The following MYO9B variants were observed in gnomAD, a reference collection of about 807,000 sequenced individuals.
MYO9B encodes myosin IXB, also known as unconventional myosin-IXb.
MYO9B carries 71 observed loss-of-function variants against 229.5 expected under a neutral mutation model. The observed-to-expected ratio is 0.31, with a 90% CI of 0.26 to 0.38. The LOEUF (loss-of-function observed/expected upper bound fraction) is 0.38, where lower values mean the gene tolerates loss of function less well. MYO9B is among the 10% of genes least tolerant of loss of function. The pLI is 1.00. For synonymous variants in MYO9B, 1,185 were observed against 1,235.8 expected, an observed-to-expected ratio of 0.96 and a Z score of 0.86; for missense variants, 2,255 against 2,920.5, an observed-to-expected ratio of 0.77 and a Z score of 5.25.
At chr19:17,157,111 A>G (rs996953573) in intron 7 of MYO9B, 73 bp downstream of exon 7, 2 of 1,533,098 alleles carry the variant, frequency 1.3e-6, no homozygotes, top group African/African-American at 2.8e-5. Flanking sequence ...ACGAGGGACC[A>G]TACCCAGAAC....
In MYO9B at chr19:17,181,013, G is replaced by A. The variant is rs370438373; in HGVS notation, c.2306G>A (p.Arg769Gln). 2.2e-5 allele frequency: 36 copies of A among 1,610,458 alleles called. No homozygotes were observed. Among genetic ancestry groups the A allele is most frequent in the Admixed American group, 5.1e-5 (3 of 59,378 alleles). Residue 769 changes from arginine (R) to glutamine (Q), a missense_variant, in exon 15 of 40, where the codon CGG becomes CAG. Arg to Gln is a conservative substitution (Grantham distance 43). Transcript: ENST00000682292. ...CGTAGCCTTCTCCAGTCCCTCAGTC[G>A]GCTCCAGAAACCCCGCGCCTTCATC... is the stretch of plus-strand genomic sequence containing the variant. ...DPRSLLQSLSRLQKPRAFILK... is the reference protein window; with the variant it reads ...DPRSLLQSLSQLQKPRAFILK...
chr19:17,095,050 C>A (rs1040295851), intron 1 of MYO9B, among the ~76,000 whole-genome samples: 1 of 152,120 alleles, frequency 6.6e-6, no homozygotes, highest in African/African-American at 2.4e-5. Context: ...ACCAGCCTGG[C>A]CAACATGGCG....
chr19:17,189,229 G>A (rs1430966859), intron 19 of MYO9B, among the ~76,000 whole-genome samples: 1 of 152,034 alleles, frequency 6.6e-6, no homozygotes, highest in Non-Finnish European at 1.5e-5. Flanking sequence ...AGGAGGCTGA[G>A]GTGAGAAGAT....
chr19:17,179,023 T>A (rs1599397224), intron 14 of MYO9B, among the ~76,000 whole-genome samples: 1 of 133,556 alleles, frequency 7.5e-6, no homozygotes. Flanking sequence ...AGAGCAAGAC[T>A]CTGTAAAAAA....
At chr19:17,211,523 C>CT in intron 38 of MYO9B, 124 bp from the exon 39 acceptor site, 1 of 907,256 alleles carries the variant, frequency 1.1e-6, no homozygotes, top group Non-Finnish European at 1.6e-6. Flanking sequence ...AATCCTCCTG[C>CT]TTGGGGTGGG....
rs55862521 is a variant in MYO9B at position 17,202,995 on chromosome 19, G to A, written c.4878+112G>A. 7.8e-3 allele frequency: 10,727 copies of A among 1,375,216 alleles called. 61 individuals carry two copies. The highest frequency in any genetic ancestry group is 9.7e-3 in the Non-Finnish European group (9,579 of 992,300). The allele number at this position is 1,375,216 out of a possible 1,614,324, so 85.2% of individuals were successfully genotyped here. A position where few individuals can be genotyped will look rare whatever the true frequency, so the allele number is the denominator to read the frequency against. The stretch of plus-strand genomic sequence containing the variant: ...GGCCCGTCTGCACGCGTATGTGTGC[G>A]TGGACACGTGTGAGTGTGTTTTTCC... On this transcript the variant is annotated intron_variant, in intron 29 of 39. Transcript: ENST00000682292.
intron 26 of MYO9B, 92 bp from the exon 27 acceptor site, chr19:17,201,834 A>T: frequency 1.1e-6 from 1 of 879,830 alleles, no homozygotes; most frequent in Non-Finnish European, 1.8e-6. Flanking sequence ...GGGATGACTT[A>T]AGAGAGGATA....
intron 13 of MYO9B, among the ~76,000 whole-genome samples, chr19:17,173,837 G>T (rs896590171): frequency 6.6e-6 from 1 of 152,018 alleles, no homozygotes; most frequent in Non-Finnish European, 1.5e-5. Context: ...AGGTCTAAGG[G>T]CTCCAACCTT....
chr19:17,086,367 A>C (rs1218692125), intron 1 of MYO9B, among the ~76,000 whole-genome samples: 2 of 152,174 alleles, frequency 1.3e-5, no homozygotes, highest in African/African-American at 4.8e-5. Flanking sequence ...AGCTCTGGGC[A>C]CGTCCAGCTC....
chr19:17,083,002 G>T (rs1329178275), intron 1 of MYO9B, among the ~76,000 whole-genome samples: 2 of 151,044 alleles, frequency 1.3e-5, no homozygotes, highest in Non-Finnish European at 2.9e-5. Context: ...GGTCCTCGAG[G>T]AGGCTGAAAG....
chr19:17,131,372 G>A lies in MYO9B; in HGVS notation c.841-14025G>A, dbSNP rs1309367715. On this transcript the variant is annotated intron_variant, in intron 2 of 39. Transcript: ENST00000682292. ...CAACCGCTGCCTCCCGCATTCAAGC[G>A]ATTCTTCTGCCTCAGCTTCCCAAGT... Among the ~76,000 whole-genome samples the A allele has an allele frequency of 3.3e-5, 5 of 152,216 alleles. No homozygotes were observed. In the South Asian group the frequency reaches 1.0e-3, roughly 32 times the overall value.
chr19:17,130,628 A>T (rs2072183717), intron 2 of MYO9B, among the ~76,000 whole-genome samples: 1 of 151,688 alleles, frequency 6.6e-6, no homozygotes, highest in African/African-American at 2.4e-5. Context: ...TCAAAAAAAA[A>T]AAAAAATTAA....
At chr19:17,104,606 G>C (rs1390103616) in intron 2 of MYO9B, among the ~76,000 whole-genome samples, 2 of 151,810 alleles carry the variant, frequency 1.3e-5, no homozygotes, top group East Asian at 3.9e-4. Context: ...TTTATTTTTT[G>C]TAGAGATGGG....
At chr19:17,187,404 G>A (rs866901050) in intron 18 of MYO9B, among the ~76,000 whole-genome samples, 8 of 149,166 alleles carry the variant, frequency 5.4e-5, no homozygotes, top group Admixed American at 1.3e-4. Flanking sequence ...GAACAGGCCC[G>A]GAACACTGGG....
At chr19:17,137,398 T>C (rs2072284264) in intron 2 of MYO9B, among the ~76,000 whole-genome samples, 1 of 152,066 alleles carries the variant, frequency 6.6e-6, no homozygotes. Context: ...CCTGTCTCCC[T>C]GTCTCAAACA....
At chr19:17,144,815 A>G (rs2072386543) in intron 2 of MYO9B, among the ~76,000 whole-genome samples, 2 of 151,742 alleles carry the variant, frequency 1.3e-5, no homozygotes, top group African/African-American at 2.4e-5. Flanking sequence ...CTAAAAATAC[A>G]AAAAATTGGC....
At chr19:17,209,169 G>A (rs1052385711) in intron 35 of MYO9B, among the ~76,000 whole-genome samples, 2 of 152,184 alleles carry the variant, frequency 1.3e-5, no homozygotes, top group African/African-American at 2.4e-5. Context: ...TCCGAGCTGA[G>A]ACCCTCTGAT....
chr19:17,115,469 CTT>C (rs35124094), intron 2 of MYO9B, among the ~76,000 whole-genome samples: 1,637 of 132,430 alleles, frequency 0.012, 32 homozygotes, highest in African/African-American at 0.042. Context: ...TCACAGATGC[CTT>C]TTTTTTTTTT....
At chr19:17,153,839 C>T (rs1325843627) in intron 4 of MYO9B, 128 bp from the exon 5 acceptor site, 3 of 688,366 alleles carry the variant, frequency 4.4e-6, no homozygotes, top group African/African-American at 1.8e-5. Flanking sequence ...ATAGTAAGAA[C>T]TGACGTACTG....
Sources: gnomAD v4.1 joint callset for allele counts (sites outside exome capture counted in the v4.1 genomes callset) on GRCh38, gnomAD v4.1.1 for gene constraint, MANE v1.5 for transcripts, NCBI Gene and HGNC (gene_info 2026-07-23, HGNC 2026-07-21) for gene names.